Variants in CIMAP3 observed in about 807,000 individuals in gnomAD.
The protein encoded by CIMAP3 is ciliary microtubule associated protein 3, also known as ciliary microtubule-associated protein 3.
the CIMAP3 span, among the ~76,000 whole-genome samples, chr1:111,345,313 TAAC>T: frequency 4.0e-3 from 605 of 152,344 alleles, 3 homozygotes; most frequent in African/African-American, 0.014. Flanking sequence ...TGGCTCCTCA[TAAC>T]AACCTTTTAT....
At chr1:111,350,340 AATT>A in the CIMAP3 span, 9 of 761,386 alleles carry the variant, frequency 1.2e-5, no homozygotes, top group African/African-American at 1.6e-4. Flanking sequence ...GGTCCCAAAA[AATT>A]ATATGCACAA....
At chr1:111,331,266 G>GT in the CIMAP3 span, among the ~76,000 whole-genome samples, 1 of 152,114 alleles carries the variant, frequency 6.6e-6, no homozygotes, top group Admixed American at 6.5e-5. Flanking sequence ...GACTTGGGAA[G>GT]TTTTTTGATA....
At chr1:111,332,412 T>C in the CIMAP3 span, among the ~76,000 whole-genome samples, 1 of 152,216 alleles carries the variant, frequency 6.6e-6, no homozygotes, top group Non-Finnish European at 1.5e-5. Context: ...GGTCTAGTTA[T>C]GAGTCTGCAG....
At chr1:111,325,355 C>G in the CIMAP3 span, among the ~76,000 whole-genome samples, 2 of 152,162 alleles carry the variant, frequency 1.3e-5, no homozygotes, top group Admixed American at 6.5e-5. Flanking sequence ...CAGACTAATA[C>G]TTATTGAAAG....
the CIMAP3 span, among the ~76,000 whole-genome samples, chr1:111,336,457 T>C: frequency 1.3e-5 from 2 of 152,060 alleles, no homozygotes; most frequent in South Asian, 4.2e-4. Flanking sequence ...TGAAAAAAAT[T>C]TAGAAGAATG....
the CIMAP3 span, among the ~76,000 whole-genome samples, chr1:111,337,884 A>C: frequency 6.6e-6 from 1 of 151,546 alleles, no homozygotes; most frequent in Non-Finnish European, 1.5e-5. Context: ...CCAAATCAAC[A>C]GAATATACAT....
At chr1:111,331,717 C>A in the CIMAP3 span, among the ~76,000 whole-genome samples, 3 of 151,060 alleles carry the variant, frequency 2.0e-5, no homozygotes, top group South Asian at 6.3e-4. Context: ...TGATTGGGGT[C>A]TTTTACTGGA....
At chr1:111,351,337 A>G in the CIMAP3 span, 1 of 1,555,836 alleles carries the variant, frequency 6.4e-7, no homozygotes, top group South Asian at 1.2e-5. Flanking sequence ...AGCGGCTGTA[A>G]CTACCTTCAC....
At chr1:111,337,221 C>T in the CIMAP3 span, among the ~76,000 whole-genome samples, 1 of 152,138 alleles carries the variant, frequency 6.6e-6, no homozygotes, top group Non-Finnish European at 1.5e-5. Context: ...AAGGAACAAC[C>T]AGTACCAGCC....
chr1:111,330,871 T>G, the CIMAP3 span, among the ~76,000 whole-genome samples: 20 of 152,330 alleles, frequency 1.3e-4, no homozygotes, highest in African/African-American at 4.6e-4. Flanking sequence ...GGGTTCCTTG[T>G]CTGGTGATGA....
chr1:111,346,612 T>G, the CIMAP3 span: 285 of 1,613,546 alleles, frequency 1.8e-4, no homozygotes, highest in African/African-American at 3.6e-3. Context: ...CTTCGTTTCC[T>G]TGGCAACGCA....
the CIMAP3 span, chr1:111,352,830 G>A: frequency 6.6e-6 from 1 of 151,984 alleles, no homozygotes; most frequent in Non-Finnish European, 1.5e-5. Context: ...GTGGAGGTGG[G>A]GATAGAACAT....
chr1:111,331,510 A>G, the CIMAP3 span, among the ~76,000 whole-genome samples: 4 of 152,234 alleles, frequency 2.6e-5, no homozygotes, highest in Non-Finnish European at 4.4e-5. Flanking sequence ...TATTTACTTC[A>G]TTCATTGAAT....
the CIMAP3 span, among the ~76,000 whole-genome samples, chr1:111,328,987 G>A: frequency 1.3e-5 from 2 of 152,120 alleles, no homozygotes; most frequent in African/African-American, 2.4e-5. Context: ...AGCTAGTAGT[G>A]GTCTTTCTTT....
chr1:111,341,758 A>G, the CIMAP3 span, among the ~76,000 whole-genome samples: 1 of 152,222 alleles, frequency 6.6e-6, no homozygotes, highest in Admixed American at 6.5e-5. Flanking sequence ...ACTCTGAAGC[A>G]GCTTTGTTAA....
chr1:111,348,509 G>A, the CIMAP3 span: 1 of 1,591,082 alleles, frequency 6.3e-7, no homozygotes, highest in Non-Finnish European at 8.5e-7. Flanking sequence ...CTTTTTCTTG[G>A]AAACAGGAAA....
chr1:111,347,075 C>T, the CIMAP3 span: 2 of 1,561,560 alleles, frequency 1.3e-6, no homozygotes, highest in Non-Finnish European at 1.7e-6. Flanking sequence ...CCCTTAGATG[C>T]TCCTCAGTTC....
the CIMAP3 span, chr1:111,350,025 T>C: frequency 1.3e-5 from 15 of 1,116,244 alleles, no homozygotes; most frequent in Non-Finnish European, 2.0e-5. Flanking sequence ...TTAGGCCTAG[T>C]CCAGGGACGG....
the CIMAP3 span, chr1:111,347,626 T>TTTTTTTTTTTTTTTG: frequency 8.6e-7 from 1 of 1,162,326 alleles, no homozygotes; most frequent in South Asian, 1.4e-5. Context: ...TTCTTTCTTT[T>TTTTTTTTTTTTTTTG]TTTTTTTTTT....
Sources: allele counts gnomAD v4.1 joint callset (sites outside exome capture counted in the v4.1 genomes callset), GRCh38; gene constraint gnomAD v4.1.1; transcripts MANE v1.5; gene names NCBI Gene and HGNC (gene_info 2026-07-23, HGNC 2026-07-21).